MAST2: variants seen among roughly 807,000 people sequenced by gnomAD.
MAST2 encodes the protein microtubule associated serine/threonine kinase 2.
MAST2 carries 70 observed loss-of-function variants against 147.4 expected under a neutral mutation model. The observed-to-expected ratio is 0.47, with a 90% CI of 0.39 to 0.58. The LOEUF is 0.58. Among genes scored for constraint, MAST2 ranks in the 20% least tolerant of loss-of-function variants. MAST2 has a pLI of 0.00. For missense variants in MAST2, 2,080 were observed against 2,302.3 expected (o/e 0.90, Z 1.98); for synonymous variants, 869 against 896.8 (o/e 0.97, Z 0.55).
intron 3 of MAST2, among the ~76,000 whole-genome samples, chr1:45,855,737 G>C (rs1345650454): frequency 1.3e-5 from 2 of 152,018 alleles, no homozygotes; most frequent in Non-Finnish European, 2.9e-5. Flanking sequence ...TCATTTAGGA[G>C]TTTTTCTTGT....
chr1:46,033,674 C>A, intron 26 of MAST2, 128 bp from the exon 27 acceptor site: 1 of 1,185,218 alleles, frequency 8.4e-7, no homozygotes, highest in Non-Finnish European at 1.2e-6. Flanking sequence ...GCCTGTGGTT[C>A]AGATGTGTTG....
chr1:45,980,390 C>T (rs772925901), intron 5 of MAST2, among the ~76,000 whole-genome samples: 1 of 151,742 alleles, frequency 6.6e-6, no homozygotes, highest in Non-Finnish European at 1.5e-5. Flanking sequence ...TGAGATCAAT[C>T]GTACCCCAAA....
chr1:45,896,894 C>G (rs991907874), intron 4 of MAST2, among the ~76,000 whole-genome samples: 6 of 152,152 alleles, frequency 3.9e-5, no homozygotes, highest in African/African-American at 1.4e-4. Flanking sequence ...TTCCGGTTTG[C>G]AAGTTTCCTA....
At chr1:45,861,602 A>G (rs1198363236) in intron 3 of MAST2, among the ~76,000 whole-genome samples, 1 of 152,084 alleles carries the variant, frequency 6.6e-6, no homozygotes, top group Non-Finnish European at 1.5e-5. Context: ...TATTCCTTCT[A>G]TCACTGTTTA....
At chr1:46,013,368 T>TG (rs1238767346) in intron 10 of MAST2, among the ~76,000 whole-genome samples, 2 of 152,238 alleles carry the variant, frequency 1.3e-5, no homozygotes, top group African/African-American at 4.8e-5. Flanking sequence ...GGAGGCATTC[T>TG]GCTAGGCTTA....
chr1:45,911,756 A>G (rs1651683689), intron 4 of MAST2, among the ~76,000 whole-genome samples: 1 of 150,868 alleles, frequency 6.6e-6, no homozygotes, highest in Non-Finnish European at 1.5e-5. Context: ...TATGATGAGT[A>G]CTACATGAAT....
In MAST2 at chr1:45,975,493, TCCAAAAAAAAAA is replaced by T. The variant is rs1483764098; in HGVS notation, c.592+16017_592+16028del. 1.3e-3 allele frequency among the ~76,000 whole-genome samples: 76 copies of T among 57,596 alleles called. 2 individuals are homozygous for T. Among genetic ancestry groups the T allele is most frequent in the Non-Finnish European group, 2.6e-3 (71 of 27,754 alleles). The allele number at this position is 57,596 out of a possible 152,430, so 37.8% of individuals were successfully genotyped here. ...AGGCAATATAGTGAGTCCCTGTCTC[TCCAAAAAAAAAA>T]AAAAAAAAAAAAAAAAGCCAGGTGT... On this transcript the variant is annotated intron_variant, in intron 5 of 28. Transcript: ENST00000361297.
chr1:45,915,137 G>A (rs1440907546), intron 4 of MAST2, among the ~76,000 whole-genome samples: 1 of 152,044 alleles, frequency 6.6e-6, no homozygotes, highest in African/African-American at 2.4e-5. Flanking sequence ...TCTCTATGTT[G>A]CTCAGGCTGG....
intron 5 of MAST2, among the ~76,000 whole-genome samples, chr1:45,970,508 CA>C (rs1409440754): frequency 9.5e-5 from 14 of 147,430 alleles, no homozygotes; most frequent in East Asian, 2.0e-4. Flanking sequence ...ACTAAAAATA[CA>C]AAAAAAAAAT....
At chr1:45,837,181 TCTC>T (rs1458955445) in intron 3 of MAST2, among the ~76,000 whole-genome samples, 1 of 152,142 alleles carries the variant, frequency 6.6e-6, no homozygotes, top group African/African-American at 2.4e-5. Context: ...ATACAGCTCA[TCTC>T]CTGCCATGTG....
chr1:45,803,721 G>A lies in MAST2; in HGVS notation c.-175G>A. 2.9e-6 allele frequency: 1 copy of A among 349,838 alleles called. No homozygotes were observed. The highest frequency in any genetic ancestry group is 5.1e-6 in the Non-Finnish European group (1 of 196,246). 21.7% of individuals were successfully genotyped at this position (349,838 alleles called of 1,614,324 possible). ...TTCCGTGAGGAGCGCAGAGGAGGTC[G>A]CGGCGCCGGAGGCCCCAGAAGGCTC... is the stretch of plus-strand genomic sequence containing the variant. On this transcript the variant is annotated 5_prime_UTR_variant, in exon 1 of 29. Transcript: ENST00000361297.
intron 3 of MAST2, among the ~76,000 whole-genome samples, chr1:45,858,026 G>C (rs559163115): frequency 6.6e-6 from 1 of 152,094 alleles, no homozygotes; most frequent in Admixed American, 6.5e-5. Flanking sequence ...TGGACATTTG[G>C]GTTGGTTCCA....
At chr1:45,874,759 A>G (rs1003026694) in intron 3 of MAST2, among the ~76,000 whole-genome samples, 2 of 152,238 alleles carry the variant, frequency 1.3e-5, no homozygotes, top group Non-Finnish European at 2.9e-5. Flanking sequence ...TGGAGCTAAC[A>G]GTCAAAGAAA....
chr1:45,905,906 C>T (rs961517481), intron 4 of MAST2, among the ~76,000 whole-genome samples: 5 of 152,088 alleles, frequency 3.3e-5, no homozygotes, highest in South Asian at 4.1e-4. Flanking sequence ...TACTGTTGTA[C>T]TTTCCTACTA....
chr1:46,028,456 T>C (rs1208707583), intron 17 of MAST2, among the ~76,000 whole-genome samples: 1 of 152,178 alleles, frequency 6.6e-6, no homozygotes, highest in African/African-American at 2.4e-5. Context: ...GTTACATGAC[T>C]GATAGGGTCT....
chr1:45,804,730 T>C (rs189508790), intron 1 of MAST2, among the ~76,000 whole-genome samples: 1 of 152,352 alleles, frequency 6.6e-6, no homozygotes, highest in African/African-American at 2.4e-5. Flanking sequence ...CAAATATTCA[T>C]GGAGTTTCTG....
rs781676946 is a variant in MAST2 at position 46,027,843 on chromosome 1, C to T, written c.2032C>T (p.Arg678Trp). The change falls in exon 17 of 29, where the codon CGG (arginine) becomes TGG (tryptophan). Residue 678 changes from arginine to tryptophan, a missense_variant. By Grantham distance (101) the Arg-to-Trp change is moderately radical. Around this residue, in one of 4 missense-constraint regions of MAST2, gnomAD observed 209 missense variants for 309.5 expected, o/e 0.68. Coordinates refer to ENST00000361297, the MANE Select transcript of MAST2 (RefSeq NM_015112.3). Reference sequence around the variant, plus strand: ...TGAGGGTCATATTGAAAAGGATGCCCGGGAATTCCTGGACAAGCAGGTAAG... The same window carrying T: ...TGAGGGTCATATTGAAAAGGATGCCTGGGAATTCCTGGACAAGCAGGTAAG... ...LYEGHIEKDA[R>W]EFLDKQVCGT... 1.4e-5 allele frequency: 23 copies of T among 1,613,920 alleles called. 1 individual carries two copies. The highest frequency in any genetic ancestry group is 1.1e-4 in the South Asian group (10 of 91,062).
At chr1:45,872,989 C>T (rs1302455153) in intron 3 of MAST2, among the ~76,000 whole-genome samples, 3 of 152,004 alleles carry the variant, frequency 2.0e-5, no homozygotes, top group African/African-American at 7.3e-5. Context: ...CAGAAAGTAT[C>T]AAAGTGTATC....
chr1:45,848,928 TCCA>T (rs1265914558), intron 3 of MAST2, among the ~76,000 whole-genome samples: 4 of 152,154 alleles, frequency 2.6e-5, no homozygotes, highest in African/African-American at 9.6e-5. Flanking sequence ...AGCATTCCTA[TCCA>T]CCAACAACAG....
Sources: gnomAD v4.1 joint callset for allele counts (sites outside exome capture counted in the v4.1 genomes callset) on GRCh38, gnomAD v4.1.1 for gene constraint, gnomAD v4.1.1 regional missense constraint, MANE v1.5 for transcripts, NCBI Gene and HGNC (gene_info 2026-07-23, HGNC 2026-07-21) for gene names.